The following RTF1 variants were observed in gnomAD, a reference collection of about 807,000 sequenced individuals.
RTF1 encodes the protein RNA polymerase-associated protein RTF1 homolog.
A neutral mutation model predicts 95.7 loss-of-function variants in RTF1; 10 were observed. The observed-to-expected ratio is 0.10, with a 90% confidence interval of 0.06 to 0.18. RTF1 has a LOEUF of 0.18. Ranked by LOEUF, RTF1 falls within the 10% of genes least tolerant of loss-of-function variation. RTF1 has a pLI of 1.00. For missense variants in RTF1, 458 were observed against 875.6 expected (o/e 0.52, Z 6.02); for synonymous variants, 305 against 311.8 (o/e 0.98, Z 0.23).
chr15:41,444,127 C>T (rs2050749143), intron 2 of RTF1, among the ~76,000 whole-genome samples: 2 of 151,036 alleles, frequency 1.3e-5, no homozygotes, highest in Admixed American at 6.6e-5. Flanking sequence ...AAAAATTAGT[C>T]AGGTGTGGTG....
intron 3 of RTF1, among the ~76,000 whole-genome samples, chr15:41,454,089 T>A (rs1476986791): frequency 6.6e-6 from 1 of 152,162 alleles, no homozygotes; most frequent in Non-Finnish European, 1.5e-5. Flanking sequence ...TGTTTTTTTA[T>A]TTTTTATTTT....
intron 1 of RTF1, among the ~76,000 whole-genome samples, chr15:41,435,416 C>G (rs78202874): frequency 0.013 from 1,950 of 151,612 alleles, 43 homozygotes; most frequent in African/African-American, 0.046. Context: ...TACAAGCAAG[C>G]CTCCTACCTT....
At chr15:41,425,996 T>G (rs1267348914) in intron 1 of RTF1, among the ~76,000 whole-genome samples, 4 of 151,990 alleles carry the variant, frequency 2.6e-5, no homozygotes, top group Non-Finnish European at 4.4e-5. Context: ...AAAATAACAC[T>G]TGAGGGCCAG....
chr15:41,453,131 G>C (rs376890389), intron 3 of RTF1, 83 bp downstream of exon 3: 32 of 1,205,470 alleles, frequency 2.7e-5, no homozygotes, highest in East Asian at 2.6e-5. Context: ...GGGAGGAAGG[G>C]GGGTACTTGC....
In RTF1 at chr15:41,474,717, T is replaced by G. The variant is rs755640647; in HGVS notation, c.1286+15T>G. 6.3e-7 allele frequency: 1 copy of G among 1,594,394 alleles called. No homozygotes were observed. The highest frequency in any genetic ancestry group is 1.3e-5 in the African/African-American group (1 of 74,518). On this transcript the variant is annotated intron_variant, in intron 9 of 17. Coordinates refer to ENST00000389629, the MANE Select transcript of RTF1 (RefSeq NM_015138.5). Reference sequence around the variant, plus strand: ...CTGCAACTACGGTAGGAGGCACTTCTGGGGTAGCTTCTGCTTCCACTTCAA... The same window carrying G: ...CTGCAACTACGGTAGGAGGCACTTCGGGGGTAGCTTCTGCTTCCACTTCAA...
chr15:41,457,927 A>G (rs746399909), intron 4 of RTF1, 51 bp downstream of exon 4: 35 of 1,385,274 alleles, frequency 2.5e-5, no homozygotes, highest in African/African-American at 3.5e-5. Context: ...TTTTCTGTTC[A>G]TCTCTTTTCT....
intron 17 of RTF1, 64 bp downstream of exon 17, chr15:41,480,389 A>G (rs928286453): frequency 4.1e-6 from 5 of 1,218,042 alleles, no homozygotes; most frequent in Non-Finnish European, 6.1e-6. Flanking sequence ...TTTCTGGGGC[A>G]ACAAGGAAGC....
intron 1 of RTF1, among the ~76,000 whole-genome samples, chr15:41,422,012 C>CTTAT (rs764214235): frequency 1.3e-5 from 2 of 151,706 alleles, no homozygotes; most frequent in Non-Finnish European, 2.9e-5. Flanking sequence ...CACACCAGGC[C>CTTAT]TTATTTATTT....
At chr15:41,434,343 A>G (rs2050691353) in intron 1 of RTF1, among the ~76,000 whole-genome samples, 1 of 152,168 alleles carries the variant, frequency 6.6e-6, no homozygotes, top group South Asian at 2.1e-4. Context: ...GTGGAATACT[A>G]CTTAGCAAAA....
At chr15:41,434,467 A>C (rs945063526) in intron 1 of RTF1, among the ~76,000 whole-genome samples, 1 of 152,142 alleles carries the variant, frequency 6.6e-6, no homozygotes, top group African/African-American at 2.4e-5. Flanking sequence ...GATTCCATCT[A>C]TATGATGTTC....
intron 6 of RTF1, among the ~76,000 whole-genome samples, chr15:41,469,125 C>CCTGA (rs111529216): frequency 0.054 from 8,141 of 151,898 alleles, 481 homozygotes; most frequent in African/African-American, 0.15. Flanking sequence ...TGCACCACCA[C>CCTGA]CTAATTTTGT....
At position 41,428,063 on chromosome 15, in the gene RTF1, AG is replaced by A. The variant is rs1177805592; in HGVS notation, c.199-10256del. On this transcript the variant is annotated intron_variant, in intron 1 of 17. Transcript: ENST00000389629. The stretch of plus-strand genomic sequence containing the variant: ...TGGCCTCCCAAAGTGCTGGGATTAC[AG>A]GCATGAGCCACCATGCCTGGCCGCC... 5.3e-5 allele frequency among the ~76,000 whole-genome samples: 8 copies of A among 150,896 alleles called. No homozygotes were observed. The Admixed American group carries it at 5.3e-4, about 10-fold the overall frequency.
At chr15:41,478,314 T>G (rs897193765) in intron 14 of RTF1, among the ~76,000 whole-genome samples, 2 of 149,790 alleles carry the variant, frequency 1.3e-5, no homozygotes, top group Non-Finnish European at 3.0e-5. Context: ...GGCAGGAGAA[T>G]CACTTGAACC....
intron 9 of RTF1, 89 bp downstream of exon 9, chr15:41,474,791 G>T: frequency 1.1e-6 from 1 of 952,300 alleles, no homozygotes; most frequent in African/African-American, 1.6e-5. Context: ...GATGTTCCTT[G>T]TTACCATGAA....
At chr15:41,449,227 ATTTT>A (rs34660598) in intron 2 of RTF1, among the ~76,000 whole-genome samples, 107 of 109,290 alleles carry the variant, frequency 9.8e-4, no homozygotes, top group African/African-American at 3.9e-3. Flanking sequence ...AGGCAGGTGA[ATTTT>A]TTTTTTTTTT....
chr15:41,445,530 C>T (rs1269015092), intron 2 of RTF1, among the ~76,000 whole-genome samples: 1 of 152,138 alleles, frequency 6.6e-6, no homozygotes, highest in East Asian at 1.9e-4. Context: ...ATTCTCTATG[C>T]TTTCCAGTTA....
At chr15:41,470,942 T>G (rs1018614975) in intron 7 of RTF1, among the ~76,000 whole-genome samples, 2 of 152,096 alleles carry the variant, frequency 1.3e-5, no homozygotes, top group African/African-American at 2.4e-5. Context: ...ACAGGCTCAT[T>G]CATTTTCTTA....
intron 6 of RTF1, among the ~76,000 whole-genome samples, chr15:41,468,083 T>C (rs910419837): frequency 1.3e-5 from 2 of 151,988 alleles, no homozygotes; most frequent in Non-Finnish European, 2.9e-5. Flanking sequence ...TGAAAATCAC[T>C]TGAACCCGGG....
chr15:41,476,637 G>A (rs1237420481), intron 12 of RTF1, 114 bp downstream of exon 12: 14 of 936,168 alleles, frequency 1.5e-5, no homozygotes, highest in South Asian at 2.7e-5. Context: ...TTCTGGGCTC[G>A]ATTATAAGCA....
Sources: gnomAD v4.1 joint callset for allele counts (sites outside exome capture counted in the v4.1 genomes callset) on GRCh38, gnomAD v4.1.1 for gene constraint, MANE v1.5 for transcripts, NCBI Gene and HGNC (gene_info 2026-07-23, HGNC 2026-07-21) for gene names.